Variants in TCEA2 observed in about 807,000 individuals in gnomAD.
TCEA2 encodes transcription elongation factor A2.
A neutral mutation model predicts 40.8 loss-of-function variants in TCEA2; 21 were observed. The ratio of observed to expected loss-of-function variants is 0.51; its 90% CI spans 0.36 to 0.74. The LOEUF (loss-of-function observed/expected upper bound fraction) is 0.74. TCEA2 is among the 30% of genes least tolerant of loss of function. The pLI is 0.00. For missense variants in TCEA2, 326 were observed against 426.5 expected (o/e 0.76, Z 2.08); for synonymous variants, 165 against 162.7 (o/e 1.01, Z -0.11).
At chr20:64,057,485 G>C (rs1245022433) in exon 1 of TCEA2, 1 of 152,310 alleles carries the variant, frequency 6.6e-6, no homozygotes, top group African/African-American at 2.4e-5. Flanking sequence ...TTCTTCAGCT[G>C]CCGAGGGCGG....
upstream of TCEA2, among the ~76,000 whole-genome samples, chr20:64,056,533 G>T (rs2059474822): frequency 8.9e-6 from 1 of 111,976 alleles, no homozygotes; most frequent in Admixed American, 9.6e-5. Context: ...GTGGCAGGGG[G>T]TGGGGGCTCC....
intron 1 of TCEA2, chr20:64,064,175 C>G (rs2059632937): frequency 6.6e-6 from 1 of 152,290 alleles, no homozygotes; most frequent in Non-Finnish European, 1.5e-5. Flanking sequence ...TGTGGACACC[C>G]TCCGAAAAGA....
upstream of TCEA2, among the ~76,000 whole-genome samples, chr20:64,061,785 A>G (rs575674293): frequency 2.0e-5 from 3 of 151,518 alleles, no homozygotes; most frequent in East Asian, 2.0e-4. Context: ...CTGGAGTGCA[A>G]TGGTGCTATC....
At chr20:64,062,987 C>T (rs1421290814), upstream of TCEA2, 1 of 188,866 alleles carries the variant, frequency 5.3e-6, no homozygotes, top group Non-Finnish European at 1.1e-5. Context: ...CCCGGGGCGC[C>T]TCCCTCGCGG....
chr20:64,070,058 C>G (rs1408958091), intron 6 of TCEA2: 3 of 897,982 alleles, frequency 3.3e-6, no homozygotes, highest in Admixed American at 2.1e-5. Context: ...TAGCCTGAAG[C>G]TGGGTCTCAG....
intron 1 of TCEA2, chr20:64,064,321 G>A (rs1228153916): frequency 6.6e-6 from 1 of 152,398 alleles, no homozygotes; most frequent in African/African-American, 2.4e-5. Flanking sequence ...GACTTTGGAG[G>A]AGGCTGTGTG....
At chr20:64,071,014 T>C (rs1376860727) in intron 8 of TCEA2, among the ~76,000 whole-genome samples, 1 of 152,142 alleles carries the variant, frequency 6.6e-6, no homozygotes. Flanking sequence ...CTGAGTGTGC[T>C]GGGGAGACTG....
Position 64,071,875 on chromosome 20 carries a change from G to A in TCEA2, c.825G>A (p.Gln275=), listed in dbSNP as rs753756446. 33 of 1,613,988 alleles carry A rather than the reference G, an allele frequency of 2.0e-5. No individual in the cohort carries two copies. The highest frequency in any genetic ancestry group is 2.8e-5 in the Non-Finnish European group (33 of 1,180,046). The change falls in exon 9 of 10, where the codon CAG becomes CAA. Residue 275 remains glutamine, a synonymous_variant. Transcript: ENST00000343484. ...TCACCCAGCCCTGTTCACAGGTGCA[G>A]ACCCGCAGCTCTGATGAGCCCATGA... ...RKKNCTYTQV[Q]TRSSDEPMTT...
intron 1 of TCEA2, among the ~76,000 whole-genome samples, chr20:64,064,832 C>T (rs1390334690): frequency 6.6e-6 from 1 of 152,166 alleles, no homozygotes; most frequent in East Asian, 1.9e-4. Flanking sequence ...GGTCTGCGAA[C>T]CATTCATAGC....
chr20:64,056,932 G>A (rs2059479542), upstream of TCEA2: 1 of 152,254 alleles, frequency 6.6e-6, no homozygotes, highest in African/African-American at 2.4e-5. Flanking sequence ...TGCCCACAGA[G>A]AATTCCTAAA....
chr20:64,071,946 G>A lies in TCEA2; in HGVS notation c.891+5G>A, dbSNP rs1393294795. 1.2e-6 allele frequency: 2 copies of A among 1,614,130 alleles called. No individual in the cohort carries two copies. On this transcript the variant is annotated splice_donor_5th_base_variant and intron_variant, in intron 9 of 9. Transcript: ENST00000343484. ...GAGTGTGGAAACCGCTGGAAGGTGG[G>A]TGAGCAGGCTCAGGCTGCCCCTCCC...
intron 1 of TCEA2, 39 bp downstream of exon 1, chr20:64,063,423 C>G (rs985024564): frequency 1.3e-6 from 2 of 1,537,998 alleles, no homozygotes; most frequent in Admixed American, 2.0e-5. Flanking sequence ...GGAACCCCGC[C>G]CCGCCGAGAC....
intron 1 of TCEA2, 52 bp downstream of exon 1, chr20:64,063,436 C>G: frequency 1.3e-6 from 2 of 1,533,118 alleles, no homozygotes; most frequent in Non-Finnish European, 1.8e-6. Flanking sequence ...GCCGAGACCC[C>G]GTCGAGCCCG....
At chr20:64,061,855 A>C (rs1187145589), upstream of TCEA2, among the ~76,000 whole-genome samples, 1 of 151,862 alleles carries the variant, frequency 6.6e-6, no homozygotes, top group Admixed American at 6.6e-5. Context: ...TAGCCTCCCA[A>C]GTAGCTGAGA....
intron 8 of TCEA2, among the ~76,000 whole-genome samples, chr20:64,070,912 G>A (rs922290932): frequency 3.3e-5 from 5 of 152,234 alleles, no homozygotes; most frequent in Admixed American, 1.3e-4. Context: ...TGAACGGAGG[G>A]CCCTCGAGGT....
chr20:64,069,462 A>T lies in TCEA2; in HGVS notation c.431A>T (p.Glu144Val). 6.2e-7 allele frequency: 1 copy of T among 1,613,320 alleles called. No individual in the cohort carries two copies. Among genetic ancestry groups the T allele is most frequent in the Admixed American group, 1.7e-5 (1 of 59,996 alleles). Residue 144 changes from glutamate to valine, a missense_variant, in exon 5 of 10, where the codon GAG becomes GTG. Glu to Val is a moderately radical substitution (Grantham distance 121). Coordinates refer to ENST00000343484, the MANE Select transcript of TCEA2 (RefSeq NM_003195.6). Reference protein sequence around the residue: ...TCDAVRNKCREMLTAALQTDH... With the variant: ...TCDAVRNKCRVMLTAALQTDH... ...GATGCCGTGCGCAACAAGTGCCGCG[A>T]GATGCTGACCGCTGCCCTGCAGACG...
chr20:64,061,991 A>G (rs1350022322), upstream of TCEA2, among the ~76,000 whole-genome samples: 3 of 152,184 alleles, frequency 2.0e-5, no homozygotes, highest in African/African-American at 7.2e-5. Flanking sequence ...GGCCTCCCAA[A>G]GCGCTGGGAT....
chr20:64,060,536 C>T (rs1302484103), upstream of TCEA2, among the ~76,000 whole-genome samples: 1 of 152,182 alleles, frequency 6.6e-6, no homozygotes, highest in African/African-American at 2.4e-5. Flanking sequence ...CTGGGTGGCT[C>T]TAGCCTCCCC....
intron 3 of TCEA2, among the ~76,000 whole-genome samples, 181 bp from the exon 4 acceptor site, chr20:64,067,866 C>T (rs539700369): frequency 6.6e-6 from 1 of 152,248 alleles, no homozygotes; most frequent in African/African-American, 2.4e-5. Context: ...GGGTGAGGAC[C>T]TGTTCACAGA....
Sources: allele counts gnomAD v4.1 joint callset (sites outside exome capture counted in the v4.1 genomes callset), GRCh38; gene constraint gnomAD v4.1.1; transcripts MANE v1.5; gene names NCBI Gene and HGNC (gene_info 2026-07-23, HGNC 2026-07-21).